Variants in RARB observed in about 807,000 individuals in gnomAD.
RARB encodes HBV-activated protein.
RARB carries 17 observed loss-of-function variants against 51.9 expected under a neutral mutation model. That is an observed-to-expected ratio of 0.33 (90% CI 0.22 to 0.49). The LOEUF is 0.49. RARB is among the 20% of genes least tolerant of loss of function. RARB has a pLI of 0.99. For synonymous variants in RARB, 215 were observed against 195.4 expected (o/e 1.10, Z -0.84); for missense variants, 369 against 550.8 (o/e 0.67, Z 3.30).
At chr3:25,255,260 T>G (rs1702833759) in intron 5 of RARB, among the ~76,000 whole-genome samples, 1 of 152,160 alleles carries the variant, frequency 6.6e-6, no homozygotes, top group African/African-American at 2.4e-5. Flanking sequence ...TTTAATCTGT[T>G]TTTGGAACAT....
chr3:25,331,726 G>C (rs1028135316), intron 5 of RARB, among the ~76,000 whole-genome samples: 6 of 152,078 alleles, frequency 3.9e-5, no homozygotes, highest in African/African-American at 1.4e-4. Flanking sequence ...AAAAATCAAT[G>C]AATCCAGGAG....
Position 25,428,367 on chromosome 3 carries a change from G to A in RARB, c.-365G>A. 1 of 1,249,356 alleles carries A rather than the reference G, an allele frequency of 8.0e-7. No individual in the cohort carries two copies. Among genetic ancestry groups the A allele is most frequent in the Non-Finnish European group, 1.0e-6 (1 of 998,308 alleles). 77.4% of individuals were successfully genotyped at this position (1,249,356 alleles called of 1,614,324 possible). On this transcript the variant is annotated 5_prime_UTR_variant, in exon 1 of 8. It removes an upstream start codon present in the reference 5' UTR. Coordinates refer to ENST00000330688, the MANE Select transcript of RARB (RefSeq NM_000965.5). The stretch of plus-strand genomic sequence containing the variant: ...ATGCGAGCTGTTTGAGGACTGGGAT[G>A]CCGAGAACGCGAGCGATCCGAGCAG...
Position 25,503,807 on chromosome 3 carries a change from A to G in RARB, c.448+2484A>G, listed in dbSNP as rs116430132. 8.8e-3 allele frequency among the ~76,000 whole-genome samples: 1,342 copies of G among 152,330 alleles called. 19 individuals are homozygous for G. The highest frequency in any genetic ancestry group is 0.049 in the South Asian group (236 of 4,830). On this transcript the variant is annotated intron_variant, in intron 3 of 7. Transcript: ENST00000330688. The stretch of plus-strand genomic sequence containing the variant: ...TACCACAGTATACGCAACTGAAATG[A>G]AACCAAGAATAATAGATACTCATAG...
chr3:25,004,665 T>C (rs1325508162), intron 2 of RARB, among the ~76,000 whole-genome samples: 8 of 152,272 alleles, frequency 5.3e-5, no homozygotes, highest in Middle Eastern at 3.4e-3. Flanking sequence ...TATGATATTG[T>C]CACTTCTGCA....
At chr3:25,430,447 T>A (rs1032938901) in intron 1 of RARB, among the ~76,000 whole-genome samples, 6 of 152,216 alleles carry the variant, frequency 3.9e-5, no homozygotes, top group African/African-American at 1.4e-4. Flanking sequence ...TAATGAAACA[T>A]GTTTTTTAAC....
rs566887502 is a variant in RARB at position 24,922,843 on chromosome 3, G to A, written c.-380+64091G>A. Among the ~76,000 whole-genome samples, 3 of 152,150 alleles carry A rather than the reference G, an allele frequency of 2.0e-5. No homozygotes were observed. The South Asian group carries it at 6.2e-4, about 32-fold the overall frequency. ...ATCTCTCTCTGAAAAAAGTGGGGAGGGTGTCTCAGGGTTATAGACCCTTAG... is the reference window on the plus strand; with the variant it reads ...ATCTCTCTCTGAAAAAAGTGGGGAGAGTGTCTCAGGGTTATAGACCCTTAG... On this transcript the variant is annotated intron_variant, in intron 2 of 11. Coordinates refer to the RARB transcript ENST00000383772.
intron 3 of RARB, among the ~76,000 whole-genome samples, chr3:25,075,676 A>G (rs1364911226): frequency 2.5e-4 from 3 of 12,022 alleles, no homozygotes; most frequent in African/African-American, 3.2e-4. Context: ...GTCCTCAGGA[A>G]AAAAAAAAAA....
chr3:25,052,430 A>G (rs532098307), intron 2 of RARB, among the ~76,000 whole-genome samples: 2 of 152,374 alleles, frequency 1.3e-5, no homozygotes, highest in South Asian at 4.1e-4. Context: ...ATAAAAAAAT[A>G]CATTTTAGTG....
At chr3:25,479,821 A>G (rs1696140864) in intron 2 of RARB, among the ~76,000 whole-genome samples, 1 of 152,192 alleles carries the variant, frequency 6.6e-6, no homozygotes, top group Non-Finnish European at 1.5e-5. Flanking sequence ...GTTTTTGAAT[A>G]ACAGCCACAT....
chr3:24,946,776 G>A lies in RARB; in HGVS notation c.-380+88024G>A, dbSNP rs75894178. ...AGCTCCCAAGAAACTGAGGTGGGAA[G>A]ATCATTTGAACCGGGAGGGTCAAGG... On this transcript the variant is annotated intron_variant, in intron 2 of 11. Coordinates refer to the RARB transcript ENST00000383772. 8.3e-3 allele frequency among the ~76,000 whole-genome samples: 1,271 copies of A among 152,260 alleles called. 16 individuals carry two copies. The highest frequency in any genetic ancestry group is 0.029 in the African/African-American group (1,223 of 41,552).
At chr3:25,297,059 G>A (rs973814875) in intron 5 of RARB, among the ~76,000 whole-genome samples, 10 of 152,140 alleles carry the variant, frequency 6.6e-5, no homozygotes, top group Admixed American at 3.9e-4. Context: ...GCTAAAGACC[G>A]AAGTCTTTTA....
chr3:24,855,117 C>T (rs540780589), intron 1 of RARB, among the ~76,000 whole-genome samples: 40 of 152,168 alleles, frequency 2.6e-4, no homozygotes, highest in Non-Finnish European at 5.1e-4. Context: ...TTAAATTTCA[C>T]ATTTCAGAAG....
chr3:25,375,267 C>A (rs1017877975), intron 5 of RARB, among the ~76,000 whole-genome samples: 2 of 152,144 alleles, frequency 1.3e-5, no homozygotes, highest in African/African-American at 4.8e-5. Context: ...TCACTGATAA[C>A]AATGTATTTC....
At chr3:25,518,998 A>G (rs1308862089) in intron 3 of RARB, among the ~76,000 whole-genome samples, 1 of 152,156 alleles carries the variant, frequency 6.6e-6, no homozygotes, top group African/African-American at 2.4e-5. Flanking sequence ...ACCATAGGTT[A>G]GCTTTGCTTG....
chr3:24,938,008 G>C (rs2125397968), intron 2 of RARB, among the ~76,000 whole-genome samples: 1 of 150,440 alleles, frequency 6.6e-6, no homozygotes, highest in East Asian at 2.0e-4. Context: ...CCTGGTCTCT[G>C]TATCGATTGG....
chr3:25,035,820 G>A (rs1052291116), intron 2 of RARB, among the ~76,000 whole-genome samples: 1 of 152,140 alleles, frequency 6.6e-6, no homozygotes, highest in Non-Finnish European at 1.5e-5. Context: ...GGCAATGGCT[G>A]GATTTGGCTT....
intron 4 of RARB, among the ~76,000 whole-genome samples, chr3:25,170,461 G>T (rs1409044349): frequency 6.6e-6 from 1 of 152,142 alleles, no homozygotes; most frequent in Non-Finnish European, 1.5e-5. Context: ...GGGGCCTGGA[G>T]AATTTGCATT....
chr3:25,234,547 C>T (rs905782675), intron 5 of RARB, among the ~76,000 whole-genome samples: 9 of 151,960 alleles, frequency 5.9e-5, no homozygotes, highest in African/African-American at 2.2e-4. Context: ...TTCTTTCTTT[C>T]TTTGGGTCTA....
intron 3 of RARB, among the ~76,000 whole-genome samples, chr3:25,108,882 T>C (rs553277339): frequency 1.3e-5 from 2 of 152,330 alleles, no homozygotes; most frequent in Non-Finnish European, 1.5e-5. Context: ...TTTCTGTATC[T>C]CCTTATGTAA....
Sources: gnomAD v4.1 joint callset for allele counts (sites outside exome capture counted in the v4.1 genomes callset) on GRCh38, gnomAD v4.1.1 for gene constraint, MANE v1.5 for transcripts, NCBI Gene and HGNC (gene_info 2026-07-23, HGNC 2026-07-21) for gene names.